MTMR14: variants seen among roughly 807,000 people sequenced by gnomAD.
MTMR14 encodes the protein phosphatidylinositol-3,5-bisphosphate 3-phosphatase MTMR14.
MTMR14 carries 48 observed loss-of-function variants against 86.3 expected under a neutral mutation model. The ratio of observed to expected loss-of-function variants is 0.56; its 90% CI spans 0.44 to 0.71. The LOEUF is 0.71. MTMR14 is among the 30% of genes least tolerant of loss of function. The pLI is 0.00. For synonymous variants in MTMR14, 366 were observed against 326.1 expected (o/e 1.12, Z -1.32); for missense variants, 780 against 834.6 (o/e 0.93, Z 0.81).
intron 9 of MTMR14, among the ~76,000 whole-genome samples, chr3:9,679,023 C>G (rs972018274): frequency 1.3e-5 from 2 of 152,232 alleles, no homozygotes; most frequent in Non-Finnish European, 2.9e-5. Flanking sequence ...ATCTCTCTTT[C>G]TTTGAAAGGC....
At chr3:9,685,515 A>G (rs2075913625) in intron 13 of MTMR14, among the ~76,000 whole-genome samples, 1 of 152,012 alleles carries the variant, frequency 6.6e-6, no homozygotes, top group Non-Finnish European at 1.5e-5. Context: ...GCTGCCTGTG[A>G]TCTTCCCTCT....
intron 4 of MTMR14, among the ~76,000 whole-genome samples, chr3:9,669,014 C>T (rs184331876): frequency 3.3e-5 from 5 of 152,100 alleles, no homozygotes; most frequent in Admixed American, 2.0e-4. Context: ...GTGATGCACA[C>T]CTGTAGTCCC....
chr3:9,679,621 T>G (rs1410479416), intron 9 of MTMR14, among the ~76,000 whole-genome samples: 3 of 152,322 alleles, frequency 2.0e-5, no homozygotes, highest in Middle Eastern at 3.4e-3. Flanking sequence ...AGGTCCCAGC[T>G]TGCCTGGCCC....
chr3:9,670,229 G>A (rs760931435), intron 5 of MTMR14, among the ~76,000 whole-genome samples: 1 of 152,222 alleles, frequency 6.6e-6, no homozygotes, highest in South Asian at 2.1e-4. Flanking sequence ...GTTCATGAAA[G>A]GGCATCTTGC....
intron 17 of MTMR14, among the ~76,000 whole-genome samples, chr3:9,690,359 G>A (rs1416291943): frequency 2.0e-5 from 3 of 152,222 alleles, no homozygotes; most frequent in Admixed American, 2.0e-4. Context: ...GCATAATGCA[G>A]GGGAACCCAG....
rs750024329 is a variant in MTMR14, at chr3:9,690,074, C to T, written c.1544C>T (p.Ser515Phe). ...CTGGCGGAAGCCAGGTCTTCCAGCT[C>T]CTCTTCCTCAAACCATTCTGATAAC... ...QGLAEARSSS[S>F]SSSNHSDNFF... Residue 515 changes from serine to phenylalanine, a missense_variant, in exon 17 of 19, where the codon TCC (serine) becomes TTC (phenylalanine). Coordinates refer to ENST00000296003, the MANE Select transcript of MTMR14 (RefSeq NM_001077525.3). The T allele has an allele frequency of 5.0e-6, 8 of 1,613,534 alleles. No individual in the cohort carries two copies. The highest frequency in any genetic ancestry group is 1.1e-5 in the South Asian group (1 of 91,030).
intron 14 of MTMR14, 67 bp downstream of exon 14, chr3:9,687,958 C>T (rs1255096012): frequency 1.5e-6 from 2 of 1,353,904 alleles, no homozygotes; most frequent in African/African-American, 1.4e-5. Flanking sequence ...CCCTGGGAGG[C>T]AAGAGGCTGA....
chr3:9,665,366 G>A (rs1426071446), intron 3 of MTMR14, among the ~76,000 whole-genome samples: 3 of 151,560 alleles, frequency 2.0e-5, no homozygotes, highest in Non-Finnish European at 2.9e-5. Context: ...TTCTTCCAGC[G>A]GAAACAGAAA....
intron 3 of MTMR14, among the ~76,000 whole-genome samples, chr3:9,665,386 C>T (rs554948536): frequency 2.8e-4 from 43 of 152,052 alleles, no homozygotes; most frequent in Admixed American, 6.6e-4. Context: ...AATCAAATAC[C>T]GCATGTTCTC....
At chr3:9,666,871 G>A (rs531234194) in intron 3 of MTMR14, among the ~76,000 whole-genome samples, 2 of 152,320 alleles carry the variant, frequency 1.3e-5, no homozygotes, top group East Asian at 3.9e-4. Flanking sequence ...GGGCAGAGAT[G>A]ATGGGTTATG....
At position 9,685,233 on chromosome 3, in the gene MTMR14, A is replaced by G; in HGVS notation, c.1150A>G (p.Ser384Gly). The G allele has an allele frequency of 6.2e-7, 1 of 1,614,052 alleles. No homozygotes were observed. The highest frequency in any genetic ancestry group is 1.1e-5 in the South Asian group (1 of 91,070). ...CAGGCACATGTTGGTAGATCGGCTC[A>G]GCAAAGGGGAGGAGGTGAGTATACC... ...LFGHMLVDRL[S>G]KGEEIFFFCF... Residue 384 changes from serine (S) to glycine (G), a missense_variant, in exon 13 of 19, where the codon AGC becomes GGC. Physicochemically the swap from Ser to Gly is moderately conservative, Grantham distance 56 (BLOSUM62 0). Transcript: ENST00000296003.
chr3:9,656,465 A>C (rs2047613986), intron 2 of MTMR14, among the ~76,000 whole-genome samples: 1 of 151,676 alleles, frequency 6.6e-6, no homozygotes, highest in South Asian at 2.1e-4. Context: ...TCTGTTGCCC[A>C]GGCTGGAGTG....
chr3:9,685,772 C>G (rs545720185), intron 13 of MTMR14, among the ~76,000 whole-genome samples: 3 of 152,142 alleles, frequency 2.0e-5, no homozygotes, highest in African/African-American at 7.2e-5. Flanking sequence ...CTCTCTCCCC[C>G]ATGCCTGTCG....
rs1348979458 is a variant in MTMR14, at chr3:9,701,294, G to C, written c.1770-496G>C. The C allele has an allele frequency of 5.1e-6, 1 of 194,192 alleles. No homozygotes were observed. Among genetic ancestry groups the C allele is most frequent in the Non-Finnish European group, 1.1e-5 (1 of 92,980 alleles). The allele number at this position is 194,192 out of a possible 1,614,324, so 12.0% of individuals were successfully genotyped here. On this transcript the variant is annotated intron_variant, in intron 18 of 18. Coordinates refer to ENST00000296003, the MANE Select transcript of MTMR14 (RefSeq NM_001077525.3). The surrounding 1 kb of genome is among the most constrained non-coding windows in gnomAD (Gnocchi z 4.2). The stretch of plus-strand genomic sequence containing the variant: ...AACAGGTCAGGTCAGGCCAGGCACA[G>C]TTGCTCACGCCTGTAATCCCAGTAC...
intron 5 of MTMR14, among the ~76,000 whole-genome samples, chr3:9,670,802 C>T (rs2048527259): frequency 6.6e-6 from 1 of 152,328 alleles, no homozygotes; most frequent in African/African-American, 2.4e-5. Flanking sequence ...AAGTCCTTTT[C>T]CATTTCCACC....
At chr3:9,678,705 T>C (rs1050579742) in intron 9 of MTMR14, among the ~76,000 whole-genome samples, 56 of 152,268 alleles carry the variant, frequency 3.7e-4, no homozygotes, top group African/African-American at 1.2e-3. Context: ...CTCGAGTGTC[T>C]GCTTCAGGAA....
chr3:9,673,195 A>G (rs1416596002), intron 7 of MTMR14, among the ~76,000 whole-genome samples: 2 of 152,220 alleles, frequency 1.3e-5, no homozygotes, highest in Non-Finnish European at 2.9e-5. Flanking sequence ...CTTTGGGTGC[A>G]TGTCTTGAAG....
intron 17 of MTMR14, among the ~76,000 whole-genome samples, chr3:9,697,044 G>A (rs1020951467): frequency 6.6e-6 from 1 of 152,150 alleles, no homozygotes; most frequent in African/African-American, 2.4e-5. Context: ...ATCTGAAGAA[G>A]GCCTGAGGAA....
At chr3:9,667,177 A>C (rs1214887855) in intron 3 of MTMR14, among the ~76,000 whole-genome samples, 1 of 152,234 alleles carries the variant, frequency 6.6e-6, no homozygotes, top group East Asian at 1.9e-4. Context: ...AAGGAGAGTG[A>C]GGTCAGCTGC....
Sources: allele counts gnomAD v4.1 joint callset (sites outside exome capture counted in the v4.1 genomes callset), GRCh38; gene constraint gnomAD v4.1.1; non-coding constraint Gnocchi (gnomAD v3.1); transcripts MANE v1.5; gene names NCBI Gene and HGNC (gene_info 2026-07-23, HGNC 2026-07-21).